Variants in MCPH1 observed in about 807,000 individuals in gnomAD.
MCPH1 encodes the protein microcephalin 1.
A neutral mutation model predicts 84.5 loss-of-function variants in MCPH1; 104 were observed. The observed-to-expected ratio is 1.23, with a 90% confidence interval of 1.05 to 1.45. The LOEUF (loss-of-function observed/expected upper bound fraction) is 1.45, where lower values mean the gene tolerates loss of function less well. MCPH1 is among the 40% of genes most tolerant of loss of function. The pLI is 0.00. For missense variants in MCPH1, 1,498 were observed against 1,005.7 expected (o/e 1.49, Z -6.62); for synonymous variants, 514 against 366.8 (o/e 1.40, Z -4.58).
At position 6,567,257 on chromosome 8, in the gene MCPH1, C is replaced by T. The variant is rs2442542; in HGVS notation, c.2215-54197C>T. The stretch of plus-strand genomic sequence containing the variant: ...TAAGGCCATGATAGAGCATGCAGTG[C>T]GGTGACCGTGTGTGATCCGCAAGGT... On this transcript the variant is annotated intron_variant, in intron 12 of 13. Transcript: ENST00000344683. Among the ~76,000 whole-genome samples the T allele has an allele frequency of 8.9e-3, 1,225 of 138,210 alleles. 9 individuals are homozygous for T. Among genetic ancestry groups the T allele is most frequent in the Middle Eastern group, 0.02 (5 of 248 alleles). 90.7% of individuals were successfully genotyped at this position (138,210 alleles called of 152,430 possible).
intron 13 of MCPH1, among the ~76,000 whole-genome samples, chr8:6,637,534 A>G (rs1181035676): frequency 6.6e-6 from 1 of 152,212 alleles, no homozygotes; most frequent in Non-Finnish European, 1.5e-5. Context: ...ACCATTCCAG[A>G]CCACTGACAC....
At position 6,439,460 on chromosome 8, in the gene MCPH1, G is replaced by T. The variant is rs189996757; in HGVS notation, c.580+364G>T. On this transcript the variant is annotated intron_variant, in intron 6 of 13. Coordinates refer to ENST00000344683, the MANE Select transcript of MCPH1 (RefSeq NM_024596.5). ...GGCTGGAGTGCAGTGGCGCGATCTGGGCTCACTGCAACCTCCCTAGTTCAA... is the reference window on the plus strand; with the variant it reads ...GGCTGGAGTGCAGTGGCGCGATCTGTGCTCACTGCAACCTCCCTAGTTCAA... Among the ~76,000 whole-genome samples the T allele has an allele frequency of 1.1e-3, 169 of 150,858 alleles. 1 individual carries two copies. The highest frequency in any genetic ancestry group is 4.0e-3 in the African/African-American group (164 of 41,020).
At chr8:6,608,490 CTG>C (rs1254871521) in intron 12 of MCPH1, among the ~76,000 whole-genome samples, 2 of 152,164 alleles carry the variant, frequency 1.3e-5, no homozygotes, top group Non-Finnish European at 2.9e-5. Context: ...CTCAGGGACT[CTG>C]TTTTCTTCTC....
chr8:6,524,471 G>C (rs17077317), intron 12 of MCPH1, among the ~76,000 whole-genome samples: 41,527 of 152,042 alleles, frequency 0.27, 6,329 homozygotes, highest in Middle Eastern at 0.44. Flanking sequence ...GAAGCCTCCT[G>C]AGTCACTTTG....
chr8:6,521,206 G>A (rs769521219), intron 12 of MCPH1: 1 of 1,613,698 alleles, frequency 6.2e-7, no homozygotes. Flanking sequence ...TAGTCAGTAA[G>A]TTATTAACTG....
chr8:6,517,871 A>G lies in MCPH1; in HGVS notation c.2214+17942A>G, dbSNP rs139638776. Reference sequence around the variant, plus strand: ...GAGTCTTAAGTCTGGAAGGGAATTTAGAAGTAACAATTGACACCACTTATT... The same window carrying G: ...GAGTCTTAAGTCTGGAAGGGAATTTGGAAGTAACAATTGACACCACTTATT... On this transcript the variant is annotated intron_variant, in intron 12 of 13. Coordinates refer to ENST00000344683, the MANE Select transcript of MCPH1 (RefSeq NM_024596.5). 3.2e-4 allele frequency among the ~76,000 whole-genome samples: 48 copies of G among 152,348 alleles called. 2 individuals are homozygous for G. The highest frequency in any genetic ancestry group is 1.1e-3 in the African/African-American group (46 of 41,584).
chr8:6,436,355 G>C (rs1055690924), intron 5 of MCPH1, among the ~76,000 whole-genome samples, 193 bp downstream of exon 5: 1 of 152,214 alleles, frequency 6.6e-6, no homozygotes, highest in Non-Finnish European at 1.5e-5. Flanking sequence ...CACGCAGCTT[G>C]AGCTAATCGA....
At chr8:6,611,118 TCACA>T (rs914380537) in intron 12 of MCPH1, among the ~76,000 whole-genome samples, 126 of 139,422 alleles carry the variant, frequency 9.0e-4, no homozygotes, top group South Asian at 1.8e-3. Context: ...ACACACTCTC[TCACA>T]CACACACTCA....
chr8:6,637,654 TTG>T (rs1366922713), intron 13 of MCPH1, among the ~76,000 whole-genome samples: 1 of 152,122 alleles, frequency 6.6e-6, no homozygotes, highest in Non-Finnish European at 1.5e-5. Context: ...TTTACTCTGT[TTG>T]TGTTTATTTT....
chr8:6,515,089 T>G (rs1815994140), intron 12 of MCPH1, among the ~76,000 whole-genome samples: 1 of 152,046 alleles, frequency 6.6e-6, no homozygotes, highest in African/African-American at 2.4e-5. Context: ...GAGATTGCTG[T>G]TTTTTTAGAG....
At chr8:6,633,392 T>G (rs1300892156) in intron 13 of MCPH1, among the ~76,000 whole-genome samples, 1 of 152,146 alleles carries the variant, frequency 6.6e-6, no homozygotes, top group Non-Finnish European at 1.5e-5. Context: ...GATAAACAAT[T>G]ATAAAATGTA....
intron 13 of MCPH1, chr8:6,626,377 C>CT (rs953102757): frequency 4.1e-6 from 4 of 984,114 alleles, no homozygotes; most frequent in Non-Finnish European, 4.8e-6. Context: ...TCCCTGGAGT[C>CT]TTTTTTCCCT....
intron 9 of MCPH1, among the ~76,000 whole-genome samples, chr8:6,472,193 A>G (rs1807810884): frequency 6.6e-6 from 1 of 152,232 alleles, no homozygotes; most frequent in Non-Finnish European, 1.5e-5. Flanking sequence ...CATAATATAC[A>G]ATGAATATGC....
intron 12 of MCPH1, among the ~76,000 whole-genome samples, chr8:6,568,724 C>A (rs1417238631): frequency 6.6e-6 from 1 of 152,220 alleles, no homozygotes; most frequent in Non-Finnish European, 1.5e-5. Context: ...ACATCGTTTT[C>A]CATCAGGCCT....
intron 12 of MCPH1, among the ~76,000 whole-genome samples, chr8:6,530,065 A>C (rs1266647521): frequency 6.6e-6 from 1 of 152,020 alleles, no homozygotes; most frequent in African/African-American, 2.4e-5. Flanking sequence ...TATTATTTTA[A>C]AATATAAGAA....
At chr8:6,627,103 C>T in intron 13 of MCPH1, 1 of 985,354 alleles carries the variant, frequency 1.0e-6, no homozygotes, top group Middle Eastern at 5.2e-4. Context: ...TGCAGGCCTT[C>T]TCATGCTGGC....
At position 6,621,470 on chromosome 8, in the gene MCPH1, G is replaced by T. The variant is rs1450951634; in HGVS notation, c.2231G>T (p.Cys744Phe). The T allele has an allele frequency of 6.2e-7, 1 of 1,613,880 alleles. No individual in the cohort carries two copies. Among genetic ancestry groups the T allele is most frequent in the African/African-American group, 1.3e-5 (1 of 74,926 alleles). The change falls in exon 13 of 14, where the codon TGC becomes TTC. Residue 744 changes from cysteine (C) to phenylalanine (F), a missense_variant. Cys to Phe is a radical substitution (Grantham distance 205). Coordinates refer to ENST00000344683, the MANE Select transcript of MCPH1 (RefSeq NM_024596.5). ...GCCCCACAGCTGTGCCGAAGCGAGT[G>T]CCACTTGTCTGCAGGGCCGTACCGC... ...FPAAPLCRSE[C>F]HLSAGPYRGT...
At chr8:6,522,557 A>G (rs924372440) in intron 12 of MCPH1, among the ~76,000 whole-genome samples, 1 of 152,008 alleles carries the variant, frequency 6.6e-6, no homozygotes, top group African/African-American at 2.4e-5. Context: ...GTGTATCACT[A>G]GAGTCCAGGA....
chr8:6,606,249 T>C (rs1829762602), intron 12 of MCPH1, among the ~76,000 whole-genome samples: 1 of 152,216 alleles, frequency 6.6e-6, no homozygotes, highest in African/African-American at 2.4e-5. Flanking sequence ...TGAGGTTGTT[T>C]CCATTTACTC....
Sources: allele counts gnomAD v4.1 joint callset (sites outside exome capture counted in the v4.1 genomes callset), GRCh38; gene constraint gnomAD v4.1.1; transcripts MANE v1.5; gene names NCBI Gene and HGNC (gene_info 2026-07-23, HGNC 2026-07-21).